Variants in ARFGEF2 observed in about 807,000 individuals in gnomAD.
The protein encoded by ARFGEF2 is ARF guanine nucleotide exchange factor 2, also known as brefeldin A-inhibited guanine nucleotide-exchange protein 2.
Under a neutral mutation model 219.9 loss-of-function variants are expected in ARFGEF2, and 74 were observed. The ratio of observed to expected loss-of-function variants is 0.34; its 90% CI spans 0.28 to 0.41. ARFGEF2 has a LOEUF of 0.41. Among genes scored for constraint, ARFGEF2 ranks in the 10% least tolerant of loss-of-function variants. The probability of loss-of-function intolerance (pLI) is 1.00; values close to 1 mark genes in which losing one functional copy is unlikely to be tolerated. For missense variants in ARFGEF2, 1,743 were observed against 2,218.3 expected (o/e 0.79, Z 4.30); for synonymous variants, 733 against 799.2 (o/e 0.92, Z 1.40).
intron 34 of ARFGEF2, among the ~76,000 whole-genome samples, chr20:49,020,548 C>T (rs1199086521): frequency 6.6e-6 from 1 of 152,208 alleles, no homozygotes; most frequent in Non-Finnish European, 1.5e-5. Flanking sequence ...TGGGCTCAAG[C>T]AATCCTCCTG....
intron 6 of ARFGEF2, among the ~76,000 whole-genome samples, chr20:48,958,210 T>A (rs71351953): frequency 0.16 from 24,632 of 152,180 alleles, 2,608 homozygotes; most frequent in Non-Finnish European, 0.24. Flanking sequence ...AAGTAGCATT[T>A]GAGAGCTCAC....
At chr20:48,942,136 C>A in intron 3 of ARFGEF2, 149 bp downstream of exon 3, 2 of 1,151,958 alleles carry the variant, frequency 1.7e-6, no homozygotes, top group Non-Finnish European at 2.5e-6. Context: ...TTTTGGAGAT[C>A]TCATGAGGGA....
chr20:48,993,196 G>T (rs1304660418), intron 21 of ARFGEF2, among the ~76,000 whole-genome samples: 1 of 152,090 alleles, frequency 6.6e-6, no homozygotes, highest in African/African-American at 2.4e-5. Flanking sequence ...TCAATATGAG[G>T]TTCCTGCTGC....
At chr20:49,030,531 G>A (rs3091529) in intron 37 of ARFGEF2, among the ~76,000 whole-genome samples, 93,362 of 150,808 alleles carry the variant, frequency 0.62, 28,998 homozygotes, top group African/African-American at 0.68. Flanking sequence ...GAATGATGTA[G>A]CTATTTTTCT....
At chr20:48,928,459 A>G (rs2090892362) in intron 1 of ARFGEF2, among the ~76,000 whole-genome samples, 1 of 141,986 alleles carries the variant, frequency 7.0e-6, no homozygotes. Flanking sequence ...CGGCCTCCCA[A>G]AGTGCTGGGA....
In ARFGEF2 at chr20:48,981,795, C is replaced by T. The variant is rs572396951; in HGVS notation, c.1959-2934C>T. Among the ~76,000 whole-genome samples, 6 of 152,274 alleles carry T rather than the reference C, an allele frequency of 3.9e-5. No homozygotes were observed. The East Asian group carries it at 7.7e-4, about 20-fold the overall frequency. ...AATCTGCTATTGAAGCTTGTGCATG[C>T]GTCATGTAGTTCTCATGCCATGGTT... On this transcript the variant is annotated intron_variant, in intron 14 of 38. Coordinates refer to ENST00000371917, the MANE Select transcript of ARFGEF2 (RefSeq NM_006420.3).
Position 48,965,980 on chromosome 20 carries a change from G to A in ARFGEF2, c.1016G>A (p.Gly339Glu), listed in dbSNP as rs1391576883. ...PGVDENSQTN[G>E]IADDRQSLSS... Reference sequence around the variant, plus strand: ...GTTGATGAAAACTCACAGACCAACGGGATAGCCGATGACAGGCAGTCCTTG... The same window carrying A: ...GTTGATGAAAACTCACAGACCAACGAGATAGCCGATGACAGGCAGTCCTTG... Residue 339 changes from glycine to glutamate, a missense_variant, in exon 8 of 39, where the codon GGG becomes GAG. By Grantham distance (98) the Gly-to-Glu change is moderately conservative. Coordinates refer to ENST00000371917, the MANE Select transcript of ARFGEF2 (RefSeq NM_006420.3). 3.1e-6 allele frequency: 5 copies of A among 1,613,996 alleles called. No homozygotes were observed. In the Admixed American group the frequency reaches 8.3e-5, roughly 27 times the overall value.
chr20:49,009,269 C>T (rs1324874477), intron 26 of ARFGEF2, among the ~76,000 whole-genome samples: 1 of 152,058 alleles, frequency 6.6e-6, no homozygotes, highest in Non-Finnish European at 1.5e-5. Flanking sequence ...TTTTGACTTT[C>T]TCCTTGCCTT....
At chr20:48,939,078 G>A (rs1368159004) in intron 1 of ARFGEF2, among the ~76,000 whole-genome samples, 3 of 151,134 alleles carry the variant, frequency 2.0e-5, no homozygotes, top group East Asian at 2.0e-4. Context: ...GGGTTCAAGC[G>A]ATTCTCCTGC....
At chr20:48,944,412 GCCCT>G (rs1031940088) in intron 3 of ARFGEF2, among the ~76,000 whole-genome samples, 5 of 152,140 alleles carry the variant, frequency 3.3e-5, no homozygotes, top group African/African-American at 1.2e-4. Context: ...CCCCTCGACA[GCCCT>G]CTGAGGTACT....
chr20:49,029,902 ATTTT>A (rs3092436), intron 37 of ARFGEF2, among the ~76,000 whole-genome samples: 1 of 97,784 alleles, frequency 1.0e-5, no homozygotes, highest in Admixed American at 1.2e-4. Flanking sequence ...CTAAAAGTGA[ATTTT>A]TTTTTTTTTT....
At chr20:49,027,253 T>C (rs1208976657) in intron 36 of ARFGEF2, among the ~76,000 whole-genome samples, 1 of 152,064 alleles carries the variant, frequency 6.6e-6, no homozygotes, top group African/African-American at 2.4e-5. Context: ...GCCAGTGGTC[T>C]CACTCTCTTG....
intron 38 of ARFGEF2, 45 bp from the exon 39 acceptor site, chr20:49,032,973 CAAAAA>C: frequency 7.7e-7 from 1 of 1,300,314 alleles, no homozygotes; most frequent in Non-Finnish European, 1.1e-6. Flanking sequence ...AACTGGTGCC[CAAAAA>C]AAAAAAAAAT....
intron 14 of ARFGEF2, among the ~76,000 whole-genome samples, chr20:48,982,494 G>A (rs112118432): frequency 0.014 from 2,142 of 152,268 alleles, 47 homozygotes; most frequent in African/African-American, 0.048. Context: ...TGTTCTCAGA[G>A]CTCAAACACC....
Position 48,989,664 on chromosome 20 carries a change from G to T in ARFGEF2, c.2794G>T (p.Ala932Ser), listed in dbSNP as rs199594681. The change falls in exon 20 of 39, where the codon GCC becomes TCC. Residue 932 changes from alanine (A) to serine (S), a missense_variant. Physicochemically the swap from Ala to Ser is moderately conservative, Grantham distance 99 (BLOSUM62 1). Coordinates refer to ENST00000371917, the MANE Select transcript of ARFGEF2 (RefSeq NM_006420.3). ...AGGCATCCGATGTGCAATCCGAATC[G>T]CCTGCATCTTTGGAATGCAGGTAGG... is the stretch of plus-strand genomic sequence containing the variant. ...LEGIRCAIRI[A>S]CIFGMQLERD... 2 of 1,614,066 alleles carry T rather than the reference G, an allele frequency of 1.2e-6. No homozygotes were observed. The highest frequency in any genetic ancestry group is 2.2e-5 in the East Asian group (1 of 44,904).
At chr20:48,922,149 T>C in intron 1 of ARFGEF2, 139 bp downstream of exon 1, 5 of 1,332,746 alleles carry the variant, frequency 3.8e-6, no homozygotes, top group Non-Finnish European at 5.0e-6. Flanking sequence ...TCCTCCTCAT[T>C]ATACCCCCGG....
Position 48,989,271 on chromosome 20 carries a change from C to A in ARFGEF2, c.2534-14C>A. The A allele has an allele frequency of 6.2e-7, 1 of 1,614,112 alleles. No homozygotes were observed. The highest frequency in any genetic ancestry group is 8.5e-7 in the Non-Finnish European group (1 of 1,179,978). Reference sequence around the variant, plus strand: ...GTGACTGCTAGCCACACCTATCATGCTCTTACTTTACAGATGTAGCTAGTG... The same window carrying A: ...GTGACTGCTAGCCACACCTATCATGATCTTACTTTACAGATGTAGCTAGTG... On this transcript the variant is annotated splice_polypyrimidine_tract_variant and intron_variant, in intron 18 of 38. Coordinates refer to ENST00000371917, the MANE Select transcript of ARFGEF2 (RefSeq NM_006420.3).
At position 48,989,310 on chromosome 20, in the gene ARFGEF2, G is replaced by T. The variant is rs1439621932; in HGVS notation, c.2559G>T (p.Arg853=). The T allele has an allele frequency of 6.2e-7, 1 of 1,614,162 alleles. No homozygotes were observed. The highest frequency in any genetic ancestry group is 8.5e-7 in the Non-Finnish European group (1 of 1,179,992). Residue 853 remains arginine, a synonymous_variant, in exon 19 of 39, where the codon CGG becomes CGT. Coordinates refer to ENST00000371917, the MANE Select transcript of ARFGEF2 (RefSeq NM_006420.3). The part of the protein sequence containing the change: ...KQNVASEKQR[R]LLYNLEMEQM... ...ATGTAGCTAGTGAAAAGCAGCGGCG[G>T]CTGCTGTACAACTTAGAGATGGAGC...
At chr20:49,030,087 T>C (rs1044129543) in intron 37 of ARFGEF2, among the ~76,000 whole-genome samples, 3 of 150,852 alleles carry the variant, frequency 2.0e-5, no homozygotes, top group Non-Finnish European at 4.4e-5. Context: ...TTTTTGTGTT[T>C]TTAGTAGAGA....
Sources: gnomAD v4.1 joint callset for allele counts (sites outside exome capture counted in the v4.1 genomes callset) on GRCh38, gnomAD v4.1.1 for gene constraint, MANE v1.5 for transcripts, NCBI Gene and HGNC (gene_info 2026-07-23, HGNC 2026-07-21) for gene names.